MLLT6: variants seen among roughly 807,000 people sequenced by gnomAD.
MLLT6 encodes the protein protein AF-17.
Under a neutral mutation model 103.0 loss-of-function variants are expected in MLLT6, and 22 were observed. The ratio of observed to expected loss-of-function variants is 0.21; its 90% confidence interval spans 0.15 to 0.31. The LOEUF is 0.31. Ranked by LOEUF, MLLT6 falls within the 10% of genes least tolerant of loss-of-function variation. MLLT6 has a pLI of 1.00. For missense variants in MLLT6, 1,199 were observed against 1,441.7 expected (o/e 0.83, Z 2.73); for synonymous variants, 606 against 623.5 (o/e 0.97, Z 0.42).
chr17:38,723,346 G>C (rs546490039), intron 18 of MLLT6, among the ~76,000 whole-genome samples: 1 of 152,234 alleles, frequency 6.6e-6, no homozygotes, highest in East Asian at 1.9e-4. Context: ...CAAAAAATTA[G>C]CTGGGCGTGG....
At chr17:38,720,324 CGCCT>C in intron 14 of MLLT6, 44 bp from the exon 15 acceptor site, 20 of 1,020,402 alleles carry the variant, frequency 2.0e-5, no homozygotes, top group East Asian at 2.6e-5. Flanking sequence ...CCCCTGGCCC[CGCCT>C]CCGCCCCCTC....
chr17:38,712,775 C>T lies in MLLT6; in HGVS notation c.805C>T (p.Pro269Ser). ...PPSILTPPVVPTADKVSSSAS... is the reference protein window; with the variant it reads ...PPSILTPPVVSTADKVSSSAS... ...CAGCATCCTCACCCCGCCCGTGGTCCCCACTGCTGACAAGGTACTGCTGCC... is the reference window on the plus strand; with the variant it reads ...CAGCATCCTCACCCCGCCCGTGGTCTCCACTGCTGACAAGGTACTGCTGCC... Residue 269 changes from proline (P) to serine (S), a missense_variant, in exon 8 of 20, where the codon CCC becomes TCC. Pro to Ser is a moderately conservative substitution (Grantham distance 74). Around this residue, in one of 7 missense-constraint regions of MLLT6, gnomAD observed 1,034 missense variants for 1,091.5 expected, o/e 0.95. Coordinates refer to ENST00000621332, the MANE Select transcript of MLLT6 (RefSeq NM_005937.4). 3.7e-6 allele frequency: 6 copies of T among 1,613,136 alleles called. No individual in the cohort carries two copies. The highest frequency in any genetic ancestry group is 1.1e-5 in the South Asian group (1 of 91,020).
At chr17:38,717,726 A>G in intron 11 of MLLT6, 113 bp downstream of exon 11, 1 of 1,403,094 alleles carries the variant, frequency 7.1e-7, no homozygotes, top group South Asian at 1.2e-5. Context: ...CCATCAGACC[A>G]CCCTCCGGGC....
In MLLT6 at chr17:38,729,658, T is replaced by A. The variant is rs1446513375; in HGVS notation, c.*4060T>A. 2 of 229,786 alleles carry A rather than the reference T, an allele frequency of 8.7e-6. No homozygotes were observed. Among genetic ancestry groups the A allele is most frequent in the Non-Finnish European group, 1.7e-5 (2 of 115,786 alleles). 14.2% of individuals were successfully genotyped at this position (229,786 alleles called of 1,614,324 possible). A position where few individuals can be genotyped will look rare whatever the true frequency, so the allele number is the denominator to read the frequency against. ...CCTCAGCCCAAAGGCGATGCCCCCC[T>A]GCCACCTCCAAGCCTGGAATTGTGC... On this transcript the variant is annotated 3_prime_UTR_variant, in exon 20 of 20. Coordinates refer to ENST00000621332, the MANE Select transcript of MLLT6 (RefSeq NM_005937.4).
rs1905903519 is a variant in MLLT6, at chr17:38,724,160, G to T, written c.2884-460G>T. On this transcript the variant is annotated intron_variant, in intron 18 of 19. Coordinates refer to ENST00000621332, the MANE Select transcript of MLLT6 (RefSeq NM_005937.4). This position sits in a 1 kb window ranked among gnomAD's most constrained non-coding sequence, Gnocchi z 5.4. ...TAATCCAGCTACCTGGGAGGCTGAG[G>T]CAGGAGAATCGCTTGAACCCAGGAG... 6.5e-6 allele frequency: 1 copy of T among 154,280 alleles called. No homozygotes were observed. Among genetic ancestry groups the T allele is most frequent in the Non-Finnish European group, 1.4e-5 (1 of 69,704 alleles). 9.6% of individuals were successfully genotyped at this position (154,280 alleles called of 1,614,324 possible). A position where few individuals can be genotyped will look rare whatever the true frequency, so the allele number is the denominator to read the frequency against.
chr17:38,717,738 C>T lies in MLLT6; in HGVS notation c.1834-107C>T. 1.7e-5 allele frequency: 23 copies of T among 1,357,640 alleles called. No homozygotes were observed. In the South Asian group the frequency reaches 2.8e-4, roughly 16 times the overall value. 84.1% of individuals were successfully genotyped at this position (1,357,640 alleles called of 1,614,324 possible). A position where few individuals can be genotyped will look rare whatever the true frequency, so the allele number is the denominator to read the frequency against. ...TTGCCATCAGACCACCCTCCGGGCT[C>T]TGGACCCCTCTGCTCCCCAGCACAC... On this transcript the variant is annotated intron_variant, in intron 11 of 19. Transcript: ENST00000621332.
In MLLT6 at chr17:38,716,643, C is replaced by T. The variant is rs772063585; in HGVS notation, c.1313C>T (p.Ser438Leu). The T allele has an allele frequency of 2.2e-5, 36 of 1,613,594 alleles. No homozygotes were observed. The highest frequency in any genetic ancestry group is 1.1e-4 in the East Asian group (5 of 44,884). ...CCCCACGTCACGGGGTCTGGGGCCT[C>T]GGCAGGCACCCACAAACGGATGCCC... Reference protein sequence around the residue: ...KSPHVTGSGASAGTHKRMPAL... With the variant: ...KSPHVTGSGALAGTHKRMPAL... Residue 438 changes from serine to leucine, a missense_variant, in exon 10 of 20, where the codon TCG becomes TTG. By Grantham distance (145) the Ser-to-Leu change is moderately radical. This residue lies in a region of MLLT6 where 1,034 missense variants were observed against 1,091.5 expected (regional missense o/e 0.95). Coordinates refer to ENST00000621332, the MANE Select transcript of MLLT6 (RefSeq NM_005937.4). The surrounding 1 kb of genome is among the most constrained non-coding windows in gnomAD (Gnocchi z 5.6).
Position 38,709,609 on chromosome 17 carries a change from G to A in MLLT6, c.552+34G>A, listed in dbSNP as rs1905073334. On this transcript the variant is annotated intron_variant, in intron 6 of 19. Transcript: ENST00000621332. This position sits in a 1 kb window ranked among gnomAD's most constrained non-coding sequence, Gnocchi z 4.3. ...TGGCGACCAGCGCATGAGCGGGTCA[G>A]TCAGCTGTGGTAAGATGGTTAGAGG... 1.3e-6 allele frequency: 2 copies of A among 1,533,834 alleles called. No individual in the cohort carries two copies. Among genetic ancestry groups the A allele is most frequent in the African/African-American group, 1.4e-5 (1 of 73,254 alleles).
intron 16 of MLLT6, 199 bp downstream of exon 16, chr17:38,720,946 G>A: frequency 1.7e-6 from 1 of 605,712 alleles, no homozygotes; most frequent in Non-Finnish European, 2.9e-6. Context: ...CAATCAGTGA[G>A]CAAAACCGGC....
At position 38,716,676 on chromosome 17, in the gene MLLT6, G is replaced by C. The variant is rs1433266709; in HGVS notation, c.1346G>C (p.Ser449Thr). 1.9e-6 allele frequency: 3 copies of C among 1,613,248 alleles called. No homozygotes were observed. The South Asian group carries it at 3.3e-5, about 18-fold the overall frequency. ...ACCCACAAACGGATGCCCGCACTGA[G>C]TGCCACCCCTGTGCCTGCTGATGAG... ...AGTHKRMPAL[S>T]ATPVPADETP... Residue 449 changes from serine (S) to threonine (T), a missense_variant, in exon 10 of 20, where the codon AGT (serine) becomes ACT (threonine). Around this residue, in one of 7 missense-constraint regions of MLLT6, gnomAD observed 1,034 missense variants for 1,091.5 expected, o/e 0.95. Coordinates refer to ENST00000621332, the MANE Select transcript of MLLT6 (RefSeq NM_005937.4). The surrounding 1 kb of genome is among the most constrained non-coding windows in gnomAD (Gnocchi z 5.6).
Position 38,715,621 on chromosome 17 carries a change from T to A in MLLT6, c.829T>A (p.Ser277Thr). The change falls in exon 9 of 20, where the codon TCG becomes ACG. Residue 277 changes from serine to threonine, a missense_variant. Physicochemically the swap from Ser to Thr is moderately conservative, Grantham distance 58 (BLOSUM62 1). Around this residue, in one of 7 missense-constraint regions of MLLT6, gnomAD observed 1,034 missense variants for 1,091.5 expected, o/e 0.95. Coordinates refer to ENST00000621332, the MANE Select transcript of MLLT6 (RefSeq NM_005937.4). ...VVPTADKVSS[S>T]ASSSSHHEAS... ...CTCTCCTCTCCTTCAGGTCTCCTCC[T>A]CGGCTTCCTCTTCCTCCCACCACGA... is the stretch of plus-strand genomic sequence containing the variant. 6.2e-7 allele frequency: 1 copy of A among 1,612,512 alleles called. No individual in the cohort carries two copies. Among genetic ancestry groups the A allele is most frequent in the Non-Finnish European group, 8.5e-7 (1 of 1,179,432 alleles).
chr17:38,705,769 G>A (rs1904881324), intron 1 of MLLT6, 28 bp downstream of exon 1: 7 of 1,188,072 alleles, frequency 5.9e-6, no homozygotes, highest in Admixed American at 3.3e-5. Flanking sequence ...GGGGGGCGGC[G>A]GGACCCCGGG....
rs1286329269 is a variant in MLLT6 at position 38,727,012 on chromosome 17, A to G, written c.*1414A>G. On this transcript the variant is annotated 3_prime_UTR_variant, in exon 20 of 20. Coordinates refer to ENST00000621332, the MANE Select transcript of MLLT6 (RefSeq NM_005937.4). ...AAGGCGAAGCCTGTGTCCCTGTTTC[A>G]GTTGCACTGGGGTTGGAGCCCAGGG... 1 of 233,586 alleles carries G rather than the reference A, an allele frequency of 4.3e-6. No individual in the cohort carries two copies. Among genetic ancestry groups the G allele is most frequent in the Non-Finnish European group, 8.5e-6 (1 of 118,066 alleles). 14.5% of individuals were successfully genotyped at this position (233,586 alleles called of 1,614,324 possible). A position where few individuals can be genotyped will look rare whatever the true frequency, so the allele number is the denominator to read the frequency against.
intron 4 of MLLT6, 168 bp downstream of exon 4, chr17:38,708,040 C>CA: frequency 1.7e-6 from 1 of 600,920 alleles, no homozygotes; most frequent in Non-Finnish European, 3.0e-6. Context: ...CAGACACACT[C>CA]ATGCTCTGGC....
rs1223654954 is a variant in MLLT6 at position 38,711,958 on chromosome 17, T to C, written c.664T>C (p.Ser222Pro). 6.2e-7 allele frequency: 1 copy of C among 1,608,880 alleles called. No individual in the cohort carries two copies. ...FISGRRSRSA[S>P]PSTQQEKHPT... is the part of the protein sequence containing the mutation. ...CTCTGGGAGGAGAAGCCGGTCAGCC[T>C]CACCATCCACGCAGCAGGAGAAGCA... Residue 222 changes from serine to proline, a missense_variant, in exon 7 of 20, where the codon TCA (serine) becomes CCA (proline). Coordinates refer to ENST00000621332, the MANE Select transcript of MLLT6 (RefSeq NM_005937.4).
In MLLT6 at chr17:38,718,086, A is replaced by T. The variant is rs542237371; in HGVS notation, c.1942+133A>T. On this transcript the variant is annotated intron_variant, in intron 12 of 19. Coordinates refer to ENST00000621332, the MANE Select transcript of MLLT6 (RefSeq NM_005937.4). ...TCTGGCCATTGCCCTCCCTGCAAAA[A>T]CAAACAGGCCGGGTGTGGTGGCTCA... The T allele has an allele frequency of 7.6e-6, 5 of 653,834 alleles. No homozygotes were observed. The East Asian group carries it at 8.2e-5, about 11-fold the overall frequency. The allele number at this position is 653,834 out of a possible 1,614,324, so 40.5% of individuals were successfully genotyped here.
chr17:38,717,396 G>A, intron 10 of MLLT6, 36 bp from the exon 11 acceptor site: 1 of 1,519,668 alleles, frequency 6.6e-7, no homozygotes, highest in Non-Finnish European at 8.9e-7. Context: ...GGGGTGGAGA[G>A]TAACCACGTG....
chr17:38,709,303 C>A lies in MLLT6; in HGVS notation c.458+27C>A. The stretch of plus-strand genomic sequence containing the variant: ...TGAGACCCCTGTCCCACCCCCCTGC[C>A]CCCCGGGTTTGTCCTGGATGGCCAC... On this transcript the variant is annotated intron_variant, in intron 5 of 19. Transcript: ENST00000621332. This position sits in a 1 kb window ranked among gnomAD's most constrained non-coding sequence, Gnocchi z 4.3. 6.3e-7 allele frequency: 1 copy of A among 1,592,014 alleles called. No homozygotes were observed. The highest frequency in any genetic ancestry group is 8.6e-7 in the Non-Finnish European group (1 of 1,159,946).
chr17:38,726,928 C>T lies in MLLT6; in HGVS notation c.*1330C>T. ...GCAATTCTCACCTTCAAAGAGTCCC[C>T]GCCTGCCCAGGCCTTTGGCACAGAG... On this transcript the variant is annotated 3_prime_UTR_variant, in exon 20 of 20. Coordinates refer to ENST00000621332, the MANE Select transcript of MLLT6 (RefSeq NM_005937.4). 4.3e-6 allele frequency: 1 copy of T among 233,786 alleles called. No homozygotes were observed. The highest frequency in any genetic ancestry group is 8.5e-6 in the Non-Finnish European group (1 of 118,110). 14.5% of individuals were successfully genotyped at this position (233,786 alleles called of 1,614,324 possible).
Sources: allele counts gnomAD v4.1 joint callset (sites outside exome capture counted in the v4.1 genomes callset), GRCh38; gene constraint gnomAD v4.1.1; regional missense constraint gnomAD v4.1.1; non-coding constraint Gnocchi (gnomAD v3.1); transcripts MANE v1.5; gene names NCBI Gene and HGNC (gene_info 2026-07-23, HGNC 2026-07-21).